Variants in AR observed in about 807,000 individuals in gnomAD.
AR encodes the protein androgen receptor, also known as dihydrotestosterone receptor.
AR carries 8 observed loss-of-function variants against 53.9 expected under a neutral mutation model. The ratio of observed to expected loss-of-function variants is 0.15; its 90% CI spans 0.09 to 0.27. AR has a LOEUF of 0.27. Ranked by LOEUF, AR falls within the 10% of genes least tolerant of loss-of-function variation. AR has a pLI of 1.00. For synonymous variants in AR, 359 were observed against 316.4 expected, an observed-to-expected ratio of 1.13 and a Z score of -1.43; for missense variants, 639 against 742.5, an observed-to-expected ratio of 0.86 and a Z score of 1.62.
At chrX:67,628,930 G>C (rs1285923694) in intron 1 of AR, among the ~76,000 whole-genome samples, 1 of 111,269 alleles carries the variant, frequency 9.0e-6, no homozygotes, top group Non-Finnish European at 1.9e-5. Flanking sequence ...TTTATATGCT[G>C]GATTACATTT....
chrX:67,546,933 C>G (rs1929789733), intron 1 of AR, among the ~76,000 whole-genome samples, 171 bp downstream of exon 1: 1 of 110,292 alleles, frequency 9.1e-6, no homozygotes, highest in Non-Finnish European at 1.9e-5. Context: ...GAGGTTTAAC[C>G]TGAGCTCTCC....
chrX:67,618,620 T>C (rs994053791), intron 1 of AR, among the ~76,000 whole-genome samples: 5 of 111,788 alleles, frequency 4.5e-5, no homozygotes, highest in African/African-American at 1.3e-4. Flanking sequence ...TACCGTATAA[T>C]GCACCAAGCT....
intron 2 of AR, among the ~76,000 whole-genome samples, chrX:67,660,398 T>A (rs1304894458): frequency 8.9e-6 from 1 of 111,891 alleles, no homozygotes; most frequent in Non-Finnish European, 1.9e-5. Flanking sequence ...GTATAAGGTG[T>A]AAGGAAGGGA....
intron 2 of AR, among the ~76,000 whole-genome samples, chrX:67,676,837 G>A (rs768589348): frequency 8.9e-6 from 1 of 111,836 alleles, no homozygotes; most frequent in South Asian, 3.7e-4. Context: ...TTTGTTTTCT[G>A]CAGTGAGGGT....
At position 67,545,601 on chromosome X, in the gene AR, C is replaced by T. The variant is rs2147316508; in HGVS notation, c.455C>T (p.Pro152Leu). ...SKGLPQQLPA[P>L]PDEDDSAAPS... ...GGGCTGCCGCAGCAGCTGCCAGCAC[C>T]TCCGGACGAGGATGACTCAGCTGCC... Residue 152 changes from proline (P) to leucine (L), a missense_variant, in exon 1 of 8, where the codon CCT (proline) becomes CTT (leucine). Around this residue, in one of 5 missense-constraint regions of AR, gnomAD observed 423 missense variants for 377.0 expected, o/e 1.12. Coordinates refer to ENST00000374690, the MANE Select transcript of AR (RefSeq NM_000044.6). 1 of 1,187,892 alleles carries T rather than the reference C, an allele frequency of 8.4e-7. No individual in the cohort carries two copies. Among genetic ancestry groups the T allele is most frequent in the Non-Finnish European group, 1.1e-6 (1 of 883,379 alleles).
chrX:67,698,743 C>T (rs1414045041), intron 3 of AR, among the ~76,000 whole-genome samples: 8 of 111,813 alleles, frequency 7.2e-5, no homozygotes, highest in Non-Finnish European at 1.5e-4. Flanking sequence ...TTGTTTCATA[C>T]TGTCTCACCC....
rs749113947 is a variant in AR, at chrX:67,685,996, A to G, written c.1769-14A>G. On this transcript the variant is annotated splice_polypyrimidine_tract_variant and intron_variant, in intron 2 of 7. Transcript: ENST00000374690. ...CATTATCAGGTCTATCAACTCTTGT[A>G]TTTGTTCTCCCAGGGAAACAGAAGT... 6.6e-6 allele frequency: 8 copies of G among 1,208,393 alleles called. No homozygotes were observed. The African/African-American group carries it at 7.0e-5, about 11-fold the overall frequency.
chrX:67,632,509 G>A (rs1396648033), intron 1 of AR, among the ~76,000 whole-genome samples: 4 of 112,228 alleles, frequency 3.6e-5, no homozygotes, highest in East Asian at 5.7e-4. Context: ...CACACACGGT[G>A]CGCTGCACCC....
At position 67,546,151 on chromosome X, in the gene AR, C is replaced by G. The variant is rs1270480978; in HGVS notation, c.1005C>G (p.Ser335Arg). 1.7e-6 allele frequency: 2 copies of G among 1,211,075 alleles called. No homozygotes were observed. Among genetic ancestry groups the G allele is most frequent in the Non-Finnish European group, 2.2e-6 (2 of 895,399 alleles). The change falls in exon 1 of 8, where the codon AGC (serine) becomes AGG (arginine). Residue 335 changes from serine to arginine, a missense_variant. Transcript: ENST00000374690. ...LGCSGSAAAG[S>R]SGTLELPSTL... ...GCTCTGGCAGCGCTGCAGCAGGGAG[C>G]TCCGGGACACTTGAACTGCCGTCTA...
intron 2 of AR, among the ~76,000 whole-genome samples, chrX:67,657,410 G>A (rs185311234): frequency 9.0e-6 from 1 of 110,671 alleles, no homozygotes; most frequent in Admixed American, 9.7e-5. Flanking sequence ...GCATTCACCC[G>A]ACTGAAAGGT....
At chrX:67,566,129 T>G (rs897044392) in intron 1 of AR, among the ~76,000 whole-genome samples, 2 of 112,598 alleles carry the variant, frequency 1.8e-5, no homozygotes, top group Non-Finnish European at 3.8e-5. Flanking sequence ...TTATCACTTG[T>G]GAAAATTTTT....
In AR at chrX:67,546,259, G is replaced by C; in HGVS notation, c.1113G>C (p.Leu371=). The C allele has an allele frequency of 8.3e-7, 1 of 1,208,477 alleles. No homozygotes were observed. Among genetic ancestry groups the C allele is most frequent in the Non-Finnish European group, 1.1e-6 (1 of 894,173 alleles). ...SRDYYNFPLA[L]AGPPPPPPPP... The stretch of plus-strand genomic sequence containing the variant: ...ACTACTACAACTTTCCACTGGCTCT[G>C]GCCGGACCGCCGCCCCCTCCGCCGC... Residue 371 remains leucine, a synonymous_variant, in exon 1 of 8, where the codon CTG becomes CTC. Transcript: ENST00000374690.
At chrX:67,641,347 A>G (rs1925753546) in intron 1 of AR, among the ~76,000 whole-genome samples, 1 of 111,958 alleles carries the variant, frequency 8.9e-6, no homozygotes, top group African/African-American at 3.2e-5. Context: ...GAGTGCCTAA[A>G]TACATGTTCT....
chrX:67,657,488 A>G (rs1282350219), intron 2 of AR, among the ~76,000 whole-genome samples: 1 of 111,667 alleles, frequency 9.0e-6, no homozygotes, highest in Admixed American at 9.5e-5. Flanking sequence ...TCTTTCAGTA[A>G]TACACTTACA....
Position 67,627,238 on chromosome X carries a change from G to T in AR, c.1617-16018G>T, listed in dbSNP as rs762808921. On this transcript the variant is annotated intron_variant, in intron 1 of 7. Transcript: ENST00000374690. ...TCCACAAGGGTTGAACTAGTTTACA[G>T]TCCCACCAACAGTGTCAAAGTGTTC... Among the ~76,000 whole-genome samples the T allele has an allele frequency of 7.2e-5, 8 of 111,367 alleles. No homozygotes were observed. In the South Asian group the frequency reaches 2.6e-3, roughly 37 times the overall value.
chrX:67,572,067 T>C (rs1921838834), intron 1 of AR, among the ~76,000 whole-genome samples: 1 of 111,229 alleles, frequency 9.0e-6, no homozygotes, highest in African/African-American at 3.3e-5. Context: ...TACCAAATGA[T>C]TGCATATGAC....
intron 3 of AR, among the ~76,000 whole-genome samples, chrX:67,699,129 C>T (rs753042676): frequency 1.1e-4 from 12 of 112,363 alleles, no homozygotes; most frequent in Non-Finnish European, 1.5e-4. Context: ...TTTTCTATTA[C>T]TGCATAACAC....
At chrX:67,572,131 G>T (rs890168732) in intron 1 of AR, among the ~76,000 whole-genome samples, 10 of 111,520 alleles carry the variant, frequency 9.0e-5, no homozygotes. Flanking sequence ...CAATAGGGTG[G>T]ATTTTTCATA....
chrX:67,709,566 T>C (rs988252579), intron 3 of AR, among the ~76,000 whole-genome samples: 4 of 112,267 alleles, frequency 3.6e-5, no homozygotes, highest in Admixed American at 2.8e-4. Flanking sequence ...GGAAAGGGAA[T>C]TTCCTGACCC....
Sources: allele counts gnomAD v4.1 joint callset (sites outside exome capture counted in the v4.1 genomes callset), GRCh38; gene constraint gnomAD v4.1.1; regional missense constraint gnomAD v4.1.1; transcripts MANE v1.5; gene names NCBI Gene and HGNC (gene_info 2026-07-23, HGNC 2026-07-21).